Variants in EIF4E3 observed in about 807,000 individuals in gnomAD.
EIF4E3 encodes the protein eukaryotic translation initiation factor 4E family member 3.
EIF4E3 carries 26 observed loss-of-function variants against 31.7 expected under a neutral mutation model. The observed-to-expected ratio is 0.82, with a 90% CI of 0.60 to 1.14. The LOEUF (loss-of-function observed/expected upper bound fraction) is 1.14. Ranked by LOEUF, EIF4E3 falls within the 50% of genes most tolerant of loss-of-function variation. EIF4E3 has a pLI of 0.00. For missense variants in EIF4E3, 304 were observed against 270.9 expected (o/e 1.12, Z -0.86); for synonymous variants, 128 against 107.7 (o/e 1.19, Z -1.17).
chr3:71,751,089 G>A (rs943421469), intron 1 of EIF4E3, among the ~76,000 whole-genome samples: 6 of 151,858 alleles, frequency 4.0e-5, no homozygotes, highest in South Asian at 2.1e-4. Flanking sequence ...AAAAATTAGC[G>A]GGGCATGGTG....
At chr3:71,728,522 G>C (rs1396159267), upstream of EIF4E3, 1 of 152,638 alleles carries the variant, frequency 6.6e-6, no homozygotes. Context: ...CTAGAACGTG[G>C]GTAGCTTGAG....
At chr3:71,704,152 T>C (rs1410873136) in intron 2 of EIF4E3, among the ~76,000 whole-genome samples, 1 of 152,170 alleles carries the variant, frequency 6.6e-6, no homozygotes, top group East Asian at 1.9e-4. Flanking sequence ...AGAGCCCAAG[T>C]GTGGAGTTGT....
At chr3:71,746,358 A>C (rs935107861) in intron 1 of EIF4E3, among the ~76,000 whole-genome samples, 1 of 152,246 alleles carries the variant, frequency 6.6e-6, no homozygotes, top group Non-Finnish European at 1.5e-5. Flanking sequence ...CTGTGCTGTA[A>C]TATAAAGCTA....
At chr3:71,742,249 T>C (rs1441843383) in intron 1 of EIF4E3, among the ~76,000 whole-genome samples, 1 of 152,128 alleles carries the variant, frequency 6.6e-6, no homozygotes. Context: ...GATAAACTTC[T>C]GGCAGGACTA....
intron 1 of EIF4E3, among the ~76,000 whole-genome samples, chr3:71,720,708 T>A (rs1194056063): frequency 1.3e-5 from 2 of 152,092 alleles, no homozygotes; most frequent in Non-Finnish European, 2.9e-5. Flanking sequence ...ATAAGGCGTA[T>A]GTTTAGAAGG....
rs557574149 is a variant in EIF4E3, at chr3:71,745,571, A to C, written c.-291+7892T>G. Among the ~76,000 whole-genome samples the C allele has an allele frequency of 9.2e-5, 14 of 152,352 alleles. No homozygotes were observed. The South Asian group carries it at 2.7e-3, about 29-fold the overall frequency. Reference sequence around the variant, plus strand: ...GCACTATTTGATTTTCGACCAAATAAGAGAGAAAGGAGATGAAGGCAAGGA... The same window carrying C: ...GCACTATTTGATTTTCGACCAAATACGAGAGAAAGGAGATGAAGGCAAGGA... On this transcript the variant is annotated intron_variant, in intron 1 of 7. Coordinates refer to the EIF4E3 transcript ENST00000295612.
intron 1 of EIF4E3, among the ~76,000 whole-genome samples, chr3:71,742,413 C>T (rs764524458): frequency 1.3e-5 from 2 of 151,990 alleles, no homozygotes; most frequent in African/African-American, 2.4e-5. Context: ...CCTTTAAAGA[C>T]ATAAACCACC....
chr3:71,670,626 T>C (rs2048842844), downstream of EIF4E3, among the ~76,000 whole-genome samples: 1 of 152,204 alleles, frequency 6.6e-6, no homozygotes, highest in African/African-American at 2.4e-5. Flanking sequence ...AATGGGGGTC[T>C]TTGTGGAAAT....
At chr3:71,722,016 A>G (rs1165340257) in intron 1 of EIF4E3, among the ~76,000 whole-genome samples, 2 of 142,516 alleles carry the variant, frequency 1.4e-5, no homozygotes, top group Non-Finnish European at 3.0e-5. Context: ...GGAGAGTGAC[A>G]AGGGAGAAAA....
intron 1 of EIF4E3, among the ~76,000 whole-genome samples, chr3:71,712,025 G>T (rs1213629978): frequency 6.6e-6 from 1 of 152,124 alleles, no homozygotes; most frequent in East Asian, 1.9e-4. Context: ...TTCCTTATCA[G>T]AAGGTCACTA....
At position 71,677,438 on chromosome 3, in the gene EIF4E3, G is replaced by C. The variant is rs1271512461; in HGVS notation, c.*7244C>G. The C allele has an allele frequency of 6.6e-6, 1 of 152,108 alleles. No homozygotes were observed. The highest frequency in any genetic ancestry group is 2.4e-5 in the African/African-American group (1 of 41,410). The allele number at this position is 152,108 out of a possible 1,614,324, so 9.4% of individuals were successfully genotyped here. A position where few individuals can be genotyped will look rare whatever the true frequency, so the allele number is the denominator to read the frequency against. ...AGGCATGCATGGTCTTGGCTTCCAA[G>C]AAAACTGTACGTTAGGTGACAAGGC... On this transcript the variant is annotated 3_prime_UTR_variant, in exon 7 of 7. Coordinates refer to ENST00000425534, the MANE Select transcript of EIF4E3 (RefSeq NM_001134651.2).
rs183590476 is a variant in EIF4E3 at position 71,746,195 on chromosome 3, G to A, written c.-291+7268C>T. On this transcript the variant is annotated intron_variant, in intron 1 of 7. Transcript: ENST00000295612. The stretch of plus-strand genomic sequence containing the variant: ...TTACCTTGCTCTTCTACTTTGTGCT[G>A]TGTGACCACAGACTATGGTTAATTG... Among the ~76,000 whole-genome samples the A allele has an allele frequency of 2.1e-3, 326 of 152,240 alleles. 1 individual carries two copies. Among genetic ancestry groups the A allele is most frequent in the African/African-American group, 7.5e-3 (312 of 41,528 alleles).
At chr3:71,700,215 A>T (rs2049196355) in intron 2 of EIF4E3, among the ~76,000 whole-genome samples, 1 of 152,084 alleles carries the variant, frequency 6.6e-6, no homozygotes, top group South Asian at 2.1e-4. Flanking sequence ...AGAAGAAAAG[A>T]TGTTCCTTGC....
At chr3:71,732,628 G>C (rs143575904) in intron 1 of EIF4E3, among the ~76,000 whole-genome samples, 1 of 152,200 alleles carries the variant, frequency 6.6e-6, no homozygotes, top group Non-Finnish European at 1.5e-5. Context: ...TCTTATCAAA[G>C]AGTAGTTCTG....
chr3:71,735,428 G>A (rs1275881060), intron 1 of EIF4E3, among the ~76,000 whole-genome samples: 1 of 152,118 alleles, frequency 6.6e-6, no homozygotes, highest in Non-Finnish European at 1.5e-5. Flanking sequence ...TCTATCATGG[G>A]ACATATTTTT....
intron 6 of EIF4E3, among the ~76,000 whole-genome samples, chr3:71,686,235 C>T (rs1237199697): frequency 2.0e-5 from 3 of 152,242 alleles, no homozygotes; most frequent in East Asian, 1.9e-4. Context: ...AGCGATCCAC[C>T]GGCCTCAGAC....
chr3:71,729,798 A>ATGTGTGTGTGTGTG (rs3066626), upstream of EIF4E3, among the ~76,000 whole-genome samples: 7,226 of 129,644 alleles, frequency 0.056, 344 homozygotes, highest in East Asian at 0.081. Flanking sequence ...TTCCAATAGA[A>ATGTGTGTGTGTGTG]TGTGTGTGTG....
chr3:71,694,313 T>A (rs2049104230), intron 4 of EIF4E3, among the ~76,000 whole-genome samples: 1 of 152,256 alleles, frequency 6.6e-6, no homozygotes, highest in Non-Finnish European at 1.5e-5. Context: ...TGGATGCTAT[T>A]AGTAAAATCT....
chr3:71,695,548 C>G (rs1172791273), intron 4 of EIF4E3, among the ~76,000 whole-genome samples: 2 of 152,160 alleles, frequency 1.3e-5, no homozygotes, highest in Non-Finnish European at 2.9e-5. Context: ...CTTATATTCT[C>G]TGCTGCCCTG....
Sources: allele counts gnomAD v4.1 joint callset (sites outside exome capture counted in the v4.1 genomes callset), GRCh38; gene constraint gnomAD v4.1.1; transcripts MANE v1.5; gene names NCBI Gene and HGNC (gene_info 2026-07-23, HGNC 2026-07-21).